The following SUGCT variants were observed in gnomAD, a reference collection of about 807,000 sequenced individuals.
SUGCT encodes succinyl-CoA:glutarate CoA-transferase.
SUGCT carries 41 observed loss-of-function variants against 55.0 expected under a neutral mutation model. The ratio of observed to expected loss-of-function variants is 0.74; its 90% CI spans 0.58 to 0.97. The LOEUF (loss-of-function observed/expected upper bound fraction) is 0.97, where lower values mean the gene tolerates loss of function less well. SUGCT is among the 50% of genes least tolerant of loss of function. The pLI, the probability that SUGCT is intolerant of heterozygous loss-of-function variation, is 0.00. For synonymous variants in SUGCT, 187 were observed against 200.4 expected, an observed-to-expected ratio of 0.93 and a Z score of 0.56; for missense variants, 568 against 547.8, an observed-to-expected ratio of 1.04 and a Z score of -0.37.
chr7:41,009,208 TAAAAAAAAA>T, the SUGCT span, among the ~76,000 whole-genome samples: 2 of 103,328 alleles, frequency 1.9e-5, no homozygotes, highest in African/African-American at 7.6e-5. Context: ...TGTCTCTCTC[TAAAAAAAAA>T]AAAAAAAAAG....
At chr7:40,571,116 G>C (rs1796429031) in intron 12 of SUGCT, among the ~76,000 whole-genome samples, 1 of 151,862 alleles carries the variant, frequency 6.6e-6, no homozygotes, top group Non-Finnish European at 1.5e-5. Context: ...ACCACATAAA[G>C]GCCGTTTCAG....
intron 12 of SUGCT, among the ~76,000 whole-genome samples, chr7:40,738,610 T>G (rs746520286): frequency 4.6e-5 from 7 of 152,212 alleles, no homozygotes; most frequent in Non-Finnish European, 7.4e-5. Context: ...AGTCACCTCA[T>G]GTCAATAAAA....
At chr7:40,747,502 A>G (rs985798551) in intron 12 of SUGCT, among the ~76,000 whole-genome samples, 3 of 152,206 alleles carry the variant, frequency 2.0e-5, no homozygotes, top group Admixed American at 1.3e-4. Flanking sequence ...AAGAAGGTAG[A>G]TATGCAAATC....
intron 12 of SUGCT, among the ~76,000 whole-genome samples, chr7:40,583,192 T>C (rs1239922955): frequency 6.6e-6 from 1 of 152,144 alleles, no homozygotes; most frequent in Admixed American, 6.6e-5. Flanking sequence ...TTTAAAGTAT[T>C]TAAACTCAAG....
intron 13 of SUGCT, among the ~76,000 whole-genome samples, chr7:40,806,203 C>T (rs10268219): frequency 0.4 from 61,011 of 151,976 alleles, 13,017 homozygotes; most frequent in Middle Eastern, 0.57. Flanking sequence ...AACTCTGTAA[C>T]GTTGGTGGAG....
intron 13 of SUGCT, among the ~76,000 whole-genome samples, chr7:40,841,268 C>T (rs1252635514): frequency 1.3e-5 from 2 of 152,034 alleles, no homozygotes; most frequent in Non-Finnish European, 2.9e-5. Flanking sequence ...TTTTTACAGA[C>T]AATAATTTAT....
chr7:40,186,341 A>G (rs1340046586), intron 3 of SUGCT, among the ~76,000 whole-genome samples: 1 of 150,388 alleles, frequency 6.6e-6, no homozygotes, highest in Non-Finnish European at 1.5e-5. Flanking sequence ...TCAGTGCAGC[A>G]TTGACCTCCT....
intron 1 of SUGCT, among the ~76,000 whole-genome samples, chr7:40,150,597 A>G (rs1788509411): frequency 6.6e-6 from 1 of 151,610 alleles, no homozygotes; most frequent in Non-Finnish European, 1.5e-5. Flanking sequence ...ACTTGAACCC[A>G]GGTTGGGAAC....
At chr7:40,995,659 C>T in the SUGCT span, among the ~76,000 whole-genome samples, 11 of 149,564 alleles carry the variant, frequency 7.4e-5, no homozygotes, top group African/African-American at 2.7e-4. Context: ...AGTCTATTTT[C>T]GTATCATCAT....
chr7:40,931,655 G>A, the SUGCT span, among the ~76,000 whole-genome samples: 2 of 152,128 alleles, frequency 1.3e-5, no homozygotes, highest in African/African-American at 2.4e-5. Flanking sequence ...TCTTGGGAGG[G>A]TGTACATGTC....
At chr7:40,306,582 A>G (rs889955920) in intron 8 of SUGCT, among the ~76,000 whole-genome samples, 2 of 152,234 alleles carry the variant, frequency 1.3e-5, no homozygotes, top group Admixed American at 6.5e-5. Flanking sequence ...ACTTTTCAAA[A>G]CTAGAATTGT....
At chr7:40,794,468 A>T (rs897340387) in intron 13 of SUGCT, among the ~76,000 whole-genome samples, 1 of 152,078 alleles carries the variant, frequency 6.6e-6, no homozygotes, top group African/African-American at 2.4e-5. Flanking sequence ...TCACCATTTC[A>T]CTGAGGTTAT....
At chr7:40,195,224 T>C (rs1343919131) in intron 6 of SUGCT, among the ~76,000 whole-genome samples, 164 bp downstream of exon 6, 1 of 35,370 alleles carries the variant, frequency 2.8e-5, no homozygotes, top group Non-Finnish European at 5.2e-5. Context: ...TCTTTTTTCT[T>C]TTTTTTTTTT....
chr7:40,378,691 TG>T (rs1180694313), intron 9 of SUGCT, among the ~76,000 whole-genome samples: 1 of 152,214 alleles, frequency 6.6e-6, no homozygotes, highest in Non-Finnish European at 1.5e-5. Context: ...CAGGCTGTTC[TG>T]GAACTCCTGA....
chr7:40,173,341 T>C (rs903039713), intron 1 of SUGCT, among the ~76,000 whole-genome samples: 5 of 152,004 alleles, frequency 3.3e-5, no homozygotes, highest in Non-Finnish European at 4.4e-5. Flanking sequence ...TCCGGAGGGG[T>C]GGAAGTCAGC....
chr7:40,179,236 G>T (rs946852059), intron 1 of SUGCT, among the ~76,000 whole-genome samples: 4 of 151,808 alleles, frequency 2.6e-5, no homozygotes, highest in Non-Finnish European at 5.9e-5. Context: ...AAAACTTAGT[G>T]CGTTAAAACA....
chr7:40,335,724 T>C (rs1796651822), intron 9 of SUGCT, among the ~76,000 whole-genome samples: 1 of 152,204 alleles, frequency 6.6e-6, no homozygotes, highest in African/African-American at 2.4e-5. Flanking sequence ...CTTTTCCTAA[T>C]TGAATATGCT....
chr7:40,428,701 T>C (rs1787730083), intron 9 of SUGCT, among the ~76,000 whole-genome samples: 1 of 152,206 alleles, frequency 6.6e-6, no homozygotes, highest in South Asian at 2.1e-4. Flanking sequence ...CATTAACCTG[T>C]TTTATTGTCA....
At chr7:40,137,027 C>G (rs1416556848) in intron 1 of SUGCT, among the ~76,000 whole-genome samples, 1 of 151,964 alleles carries the variant, frequency 6.6e-6, no homozygotes, top group African/African-American at 2.4e-5. Flanking sequence ...AAAAAAGGTT[C>G]ACATACATCA....
Sources: gnomAD v4.1 joint callset for allele counts (sites outside exome capture counted in the v4.1 genomes callset) on GRCh38, gnomAD v4.1.1 for gene constraint, MANE v1.5 for transcripts, NCBI Gene and HGNC (gene_info 2026-07-23, HGNC 2026-07-21) for gene names.